The following MALRD1 variants were observed in gnomAD, a reference collection of about 807,000 sequenced individuals.
MALRD1 encodes MAM and LDL receptor class A domain containing 1, also known as MAM and LDL-receptor class A domain-containing protein 1.
In MALRD1, 247 loss-of-function variants were observed where a neutral mutation model predicts 242.1. The ratio of observed to expected loss-of-function variants is 1.02; its 90% CI spans 0.92 to 1.13. The LOEUF is 1.13. Among genes scored for constraint, MALRD1 ranks in the 50% most tolerant of loss-of-function variants. MALRD1 has a pLI of 0.00. For missense variants in MALRD1, 2,989 were observed against 2,533.1 expected (o/e 1.18, Z -3.86); for synonymous variants, 995 against 866.6 (o/e 1.15, Z -2.60).
intron 26 of MALRD1, among the ~76,000 whole-genome samples, chr10:19,359,825 A>C (rs1844812977): frequency 6.6e-6 from 1 of 152,122 alleles, no homozygotes; most frequent in South Asian, 2.1e-4. Context: ...AAGTTTATTT[A>C]TATAAACATG....
chr10:19,171,878 A>G (rs1379485437), intron 13 of MALRD1, among the ~76,000 whole-genome samples: 2 of 143,516 alleles, frequency 1.4e-5, no homozygotes, highest in Non-Finnish European at 3.0e-5. Flanking sequence ...ATACACGTAT[A>G]TACGTATATA....
chr10:19,587,135 C>G (rs1031121349), intron 33 of MALRD1, among the ~76,000 whole-genome samples: 3 of 152,220 alleles, frequency 2.0e-5, no homozygotes, highest in Non-Finnish European at 4.4e-5. Context: ...CTGGCACTCC[C>G]TAGTGAGATG....
At chr10:19,460,633 G>A (rs1165633604) in intron 29 of MALRD1, among the ~76,000 whole-genome samples, 1 of 152,086 alleles carries the variant, frequency 6.6e-6, no homozygotes, top group Non-Finnish European at 1.5e-5. Flanking sequence ...ACAGTTTAAA[G>A]TATCTGAATT....
At chr10:19,590,315 GT>G (rs1392426166) in intron 33 of MALRD1, among the ~76,000 whole-genome samples, 1 of 146,534 alleles carries the variant, frequency 6.8e-6, no homozygotes, top group African/African-American at 2.5e-5. Context: ...TGTTATATAT[GT>G]ATATATACAT....
chr10:19,419,061 C>A (rs1458872409), intron 28 of MALRD1, among the ~76,000 whole-genome samples: 1 of 152,144 alleles, frequency 6.6e-6, no homozygotes, highest in Non-Finnish European at 1.5e-5. Context: ...TCAACCATTT[C>A]AGTATGCACA....
chr10:19,711,081 G>A (rs1213364375), intron 38 of MALRD1: 3 of 152,182 alleles, frequency 2.0e-5, no homozygotes, highest in African/African-American at 7.2e-5. Context: ...TAGAAACTTG[G>A]GAGGGCGATT....
At chr10:19,667,504 G>T (rs1455539543) in intron 36 of MALRD1, among the ~76,000 whole-genome samples, 1 of 152,044 alleles carries the variant, frequency 6.6e-6, no homozygotes, top group Non-Finnish European at 1.5e-5. Context: ...TTGGGTCATG[G>T]GGACAGATTC....
intron 28 of MALRD1, among the ~76,000 whole-genome samples, chr10:19,401,635 G>A (rs890597453): frequency 1.3e-5 from 2 of 151,854 alleles, no homozygotes; most frequent in African/African-American, 2.4e-5. Flanking sequence ...ATGGACATAA[G>A]GATAGGTAAA....
At chr10:19,145,611 G>A (rs941720543) in intron 10 of MALRD1, among the ~76,000 whole-genome samples, 10 of 149,512 alleles carry the variant, frequency 6.7e-5, no homozygotes, top group East Asian at 5.9e-4. Context: ...CTGAGACTGC[G>A]CCACTGCACT....
chr10:19,169,998 T>A (rs1431830776), intron 13 of MALRD1, among the ~76,000 whole-genome samples: 1 of 152,198 alleles, frequency 6.6e-6, no homozygotes, highest in African/African-American at 2.4e-5. Context: ...TTCAGTGTGG[T>A]TCTTTTGATG....
At chr10:19,530,439 A>AATATTATATAATTATATCATAATAAATAT (rs1468184871) in intron 31 of MALRD1, among the ~76,000 whole-genome samples, 1 of 90,710 alleles carries the variant, frequency 1.1e-5, no homozygotes, top group Non-Finnish European at 2.1e-5. Context: ...AATATATATA[A>AATATTATATAATTATATCATAATAAATAT]TATATAATAT....
intron 18 of MALRD1, among the ~76,000 whole-genome samples, chr10:19,245,905 A>G (rs1396089057): frequency 6.6e-6 from 1 of 152,216 alleles, no homozygotes; most frequent in Non-Finnish European, 1.5e-5. Context: ...AATTCATTCT[A>G]GCTTATCTCC....
At chr10:19,409,789 A>G (rs1833196360) in intron 28 of MALRD1, among the ~76,000 whole-genome samples, 2 of 152,026 alleles carry the variant, frequency 1.3e-5, no homozygotes, top group Admixed American at 1.3e-4. Flanking sequence ...TTAAATTTAC[A>G]TTCTAGTAGT....
chr10:19,319,904 A>T (rs990140189), intron 21 of MALRD1, among the ~76,000 whole-genome samples: 1 of 151,920 alleles, frequency 6.6e-6, no homozygotes. Context: ...CTTTTTTTTT[A>T]AACTTAAAGC....
chr10:19,171,901 C>A (rs1834990732), intron 13 of MALRD1, among the ~76,000 whole-genome samples: 1 of 130,284 alleles, frequency 7.7e-6, no homozygotes, highest in South Asian at 2.4e-4. Flanking sequence ...TGATATATAT[C>A]ACATAATATA....
At chr10:19,368,607 T>C (rs1052122556) in intron 26 of MALRD1, among the ~76,000 whole-genome samples, 1 of 152,106 alleles carries the variant, frequency 6.6e-6, no homozygotes, top group African/African-American at 2.4e-5. Context: ...TTGGGGTCTT[T>C]TGTAATGCCA....
intron 5 of MALRD1, among the ~76,000 whole-genome samples, chr10:19,111,077 T>C (rs1369437846): frequency 6.6e-6 from 1 of 152,192 alleles, no homozygotes; most frequent in Non-Finnish European, 1.5e-5. Flanking sequence ...TCTTTGTCTC[T>C]GGGAACCAAA....
At chr10:19,241,713 A>T (rs1027352933) in intron 18 of MALRD1, among the ~76,000 whole-genome samples, 4 of 151,796 alleles carry the variant, frequency 2.6e-5, no homozygotes, top group Non-Finnish European at 5.9e-5. Context: ...CCCTCTTAGA[A>T]CTGCTTTTGC....
At chr10:19,388,831 G>A (rs1309460573) in intron 27 of MALRD1, among the ~76,000 whole-genome samples, 1 of 143,324 alleles carries the variant, frequency 7.0e-6, no homozygotes, top group Admixed American at 7.3e-5. Flanking sequence ...ATCCCTGGAT[G>A]CTACGTCATA....
Sources: allele counts gnomAD v4.1 joint callset (sites outside exome capture counted in the v4.1 genomes callset), GRCh38; gene constraint gnomAD v4.1.1; transcripts MANE v1.5; gene names NCBI Gene and HGNC (gene_info 2026-07-23, HGNC 2026-07-21).